Variants in DLG2 observed in about 807,000 individuals in gnomAD.
The protein encoded by DLG2 is discs large MAGUK scaffold protein 2.
A neutral mutation model predicts 132.5 loss-of-function variants in DLG2; 45 were observed. That is an observed-to-expected ratio of 0.34 (90% CI 0.27 to 0.44). The LOEUF (loss-of-function observed/expected upper bound fraction) is 0.44, where lower values mean the gene tolerates loss of function less well. DLG2 is among the 20% of genes least tolerant of loss of function. The pLI is 1.00. For missense variants in DLG2, 1,045 were observed against 1,196.9 expected (o/e 0.87, Z 1.87); for synonymous variants, 424 against 419.6 (o/e 1.01, Z -0.13).
intron 3 of DLG2, among the ~76,000 whole-genome samples, chr11:85,515,946 G>A (rs1323374758): frequency 6.6e-6 from 1 of 152,016 alleles, no homozygotes. Context: ...TACAAAGTAA[G>A]GTTATGTAAT....
chr11:85,174,721 T>C (rs527512847), intron 4 of DLG2, among the ~76,000 whole-genome samples: 6 of 151,998 alleles, frequency 3.9e-5, no homozygotes, highest in African/African-American at 4.8e-5. Flanking sequence ...ACACTAGCTA[T>C]ACTAATAAAG....
At chr11:84,111,578 A>C (rs1213025939) in intron 9 of DLG2, among the ~76,000 whole-genome samples, 1 of 152,230 alleles carries the variant, frequency 6.6e-6, no homozygotes, top group African/African-American at 2.4e-5. Context: ...TGATTGAGCT[A>C]ATAAGGAAGG....
chr11:84,610,203 A>G (rs1379099095), intron 6 of DLG2, among the ~76,000 whole-genome samples: 5 of 152,014 alleles, frequency 3.3e-5, no homozygotes, highest in Non-Finnish European at 5.9e-5. Flanking sequence ...ATTGCCAGTA[A>G]TATTTGTTTT....
intron 18 of DLG2, among the ~76,000 whole-genome samples, chr11:83,680,758 A>C (rs1366076637): frequency 6.6e-6 from 1 of 152,198 alleles, no homozygotes; most frequent in Non-Finnish European, 1.5e-5. Context: ...AAATCTGCCA[A>C]GTTTTTGGTA....
intron 6 of DLG2, among the ~76,000 whole-genome samples, chr11:85,077,412 A>G (rs1039611611): frequency 5.9e-5 from 9 of 152,032 alleles, no homozygotes; most frequent in African/African-American, 2.2e-4. Context: ...GACTGCTTCA[A>G]AAAGCCTATG....
intron 22 of DLG2, among the ~76,000 whole-genome samples, chr11:83,477,995 T>G (rs1234942722): frequency 6.6e-6 from 1 of 152,102 alleles, no homozygotes; most frequent in East Asian, 1.9e-4. Flanking sequence ...CTACCTCTTA[T>G]GCTCCCACTA....
At chr11:84,336,547 C>T (rs1420741821) in intron 7 of DLG2, among the ~76,000 whole-genome samples, 1 of 152,208 alleles carries the variant, frequency 6.6e-6, no homozygotes, top group Non-Finnish European at 1.5e-5. Flanking sequence ...CACAGAGCCT[C>T]ATGCTAGTCA....
intron 16 of DLG2, among the ~76,000 whole-genome samples, chr11:83,873,083 C>T (rs948625732): frequency 6.6e-6 from 1 of 152,164 alleles, no homozygotes; most frequent in Admixed American, 6.5e-5. Context: ...ATTGTACAAC[C>T]AGTGCTCTCC....
At chr11:84,036,198 C>T (rs959189950) in intron 11 of DLG2, among the ~76,000 whole-genome samples, 2 of 151,726 alleles carry the variant, frequency 1.3e-5, no homozygotes, top group Non-Finnish European at 2.9e-5. Context: ...GAACTCTAGG[C>T]TTTAGAGGTT....
At chr11:84,491,715 T>C (rs940349952) in intron 7 of DLG2, among the ~76,000 whole-genome samples, 4 of 152,182 alleles carry the variant, frequency 2.6e-5, no homozygotes, top group African/African-American at 9.7e-5. Context: ...ACCTCAAAGT[T>C]CTAAACACAT....
chr11:84,758,256 G>A (rs1044586482), intron 6 of DLG2, among the ~76,000 whole-genome samples: 4 of 152,128 alleles, frequency 2.6e-5, no homozygotes, highest in Admixed American at 6.5e-5. Flanking sequence ...ATGTAGAATT[G>A]TTCTACTTTG....
At chr11:84,992,161 G>A (rs370354803) in intron 6 of DLG2, among the ~76,000 whole-genome samples, 12 of 151,918 alleles carry the variant, frequency 7.9e-5, no homozygotes, top group Non-Finnish European at 1.2e-4. Flanking sequence ...TTACTCATGC[G>A]TCTTTTTCTT....
At chr11:84,432,543 C>T (rs1462948943) in intron 7 of DLG2, among the ~76,000 whole-genome samples, 1 of 152,140 alleles carries the variant, frequency 6.6e-6, no homozygotes, top group African/African-American at 2.4e-5. Context: ...TAATCCCCTC[C>T]CTCTAAATCC....
chr11:84,054,794 T>C (rs2096467979), intron 11 of DLG2, among the ~76,000 whole-genome samples: 1 of 152,130 alleles, frequency 6.6e-6, no homozygotes, highest in South Asian at 2.1e-4. Flanking sequence ...ACAGAATCTC[T>C]TAATGTTTTA....
At chr11:83,861,860 TAACTC>T (rs1201811499) in intron 16 of DLG2, among the ~76,000 whole-genome samples, 1 of 152,118 alleles carries the variant, frequency 6.6e-6, no homozygotes. Flanking sequence ...CATTTTAAAA[TAACTC>T]AAAGAGTATA....
At chr11:83,715,710 A>T (rs2086537140) in intron 18 of DLG2, among the ~76,000 whole-genome samples, 2 of 152,210 alleles carry the variant, frequency 1.3e-5, no homozygotes, top group African/African-American at 4.8e-5. Context: ...TCTCTGATTC[A>T]GGTCCTTCCT....
chr11:85,386,055 T>G (rs560979925), intron 3 of DLG2, among the ~76,000 whole-genome samples: 3 of 152,340 alleles, frequency 2.0e-5, no homozygotes, highest in African/African-American at 7.2e-5. Flanking sequence ...AAACAGAAAT[T>G]TAATTGGTTA....
At chr11:85,299,421 T>G (rs184842651) in intron 3 of DLG2, among the ~76,000 whole-genome samples, 50 of 152,294 alleles carry the variant, frequency 3.3e-4, no homozygotes, top group African/African-American at 1.2e-3. Context: ...TCTTGTCACC[T>G]AGGATGTTTT....
At chr11:83,957,349 T>C (rs1013724790) in intron 14 of DLG2, among the ~76,000 whole-genome samples, 2 of 152,304 alleles carry the variant, frequency 1.3e-5, no homozygotes, top group Middle Eastern at 3.4e-3. Flanking sequence ...ATAAAAACTA[T>C]AAAAATGGTC....
Sources: allele counts gnomAD v4.1 joint callset (sites outside exome capture counted in the v4.1 genomes callset), GRCh38; gene constraint gnomAD v4.1.1; transcripts MANE v1.5; gene names NCBI Gene and HGNC (gene_info 2026-07-23, HGNC 2026-07-21).